The following NFATC2 variants were observed in gnomAD, a reference collection of about 807,000 sequenced individuals.
The protein encoded by NFATC2 is nuclear factor of activated T cells 2.
A neutral mutation model predicts 87.3 loss-of-function variants in NFATC2; 22 were observed. That is an observed-to-expected ratio of 0.25 (90% CI 0.18 to 0.36). NFATC2 has a LOEUF of 0.36. Among genes scored for constraint, NFATC2 ranks in the 10% least tolerant of loss-of-function variants. NFATC2 has a pLI of 1.00. For synonymous variants in NFATC2, 565 were observed against 542.2 expected (o/e 1.04, Z -0.58); for missense variants, 1,149 against 1,259.1 (o/e 0.91, Z 1.32).
intron 3 of NFATC2, among the ~76,000 whole-genome samples, chr20:51,495,341 G>A (rs1251254781): frequency 1.3e-5 from 2 of 152,196 alleles, no homozygotes; most frequent in Admixed American, 1.3e-4. Flanking sequence ...ACCCACCTCA[G>A]CCTCCCAAAG....
chr20:51,474,791 C>T (rs1988558974), intron 4 of NFATC2, among the ~76,000 whole-genome samples: 1 of 151,980 alleles, frequency 6.6e-6, no homozygotes, highest in South Asian at 2.1e-4. Context: ...AGATTTTAGC[C>T]ACAGCCATAT....
Position 51,411,516 on chromosome 20 carries a change from CTTTTTTTTTTTTTTTT to C in NFATC2, c.2723-12802_2723-12787del, listed in dbSNP as rs67935951. Among the ~76,000 whole-genome samples the C allele has an allele frequency of 1.5e-4, 13 of 87,252 alleles. 1 individual carries two copies. Among genetic ancestry groups the C allele is most frequent in the South Asian group, 8.9e-4 (2 of 2,242 alleles). The allele number at this position is 87,252 out of a possible 152,430, so 57.2% of individuals were successfully genotyped here. ...CAAGGTCCTGAAGCAATGCAATTGT[CTTTTTTTTTTTTTTTT>C]TTTTTTTTTTTTTGAGACAGAGTCT... is the stretch of plus-strand genomic sequence containing the variant. On this transcript the variant is annotated intron_variant, in intron 9 of 10. Transcript: ENST00000371564.
intron 5 of NFATC2, among the ~76,000 whole-genome samples, chr20:51,461,673 G>A (rs758791070): frequency 5.3e-5 from 8 of 152,230 alleles, no homozygotes; most frequent in Non-Finnish European, 8.8e-5. Context: ...CCCCCACATC[G>A]CCCAAGTAGG....
chr20:51,504,233 G>C (rs1225022767), intron 3 of NFATC2, among the ~76,000 whole-genome samples: 1 of 152,114 alleles, frequency 6.6e-6, no homozygotes, highest in Non-Finnish European at 1.5e-5. Context: ...TGTTGGTCAG[G>C]CTGGTCTCGA....
chr20:51,494,522 AG>A (rs1005733761), intron 3 of NFATC2, among the ~76,000 whole-genome samples: 3 of 152,130 alleles, frequency 2.0e-5, no homozygotes, highest in Non-Finnish European at 4.4e-5. Context: ...TACTACGTGC[AG>A]GTCTTTGTGC....
chr20:51,551,506 T>A (rs1024292845), intron 1 of NFATC2, among the ~76,000 whole-genome samples: 4 of 151,714 alleles, frequency 2.6e-5, no homozygotes, highest in African/African-American at 9.7e-5. Flanking sequence ...CCAGCTCAGA[T>A]GATCCGCTCA....
chr20:51,392,326 C>A (rs1986455213), intron 10 of NFATC2, among the ~76,000 whole-genome samples: 2 of 152,156 alleles, frequency 1.3e-5, no homozygotes, highest in Non-Finnish European at 2.9e-5. Flanking sequence ...CACCCCTCTC[C>A]CCAGAAGTAT....
At position 51,536,025 on chromosome 20, in the gene NFATC2, G is replaced by A. The variant is rs187496707; in HGVS notation, c.130+6345C>T. Among the ~76,000 whole-genome samples, 165 of 152,272 alleles carry A rather than the reference G, an allele frequency of 1.1e-3. 1 individual carries two copies. Among genetic ancestry groups the A allele is most frequent in the Middle Eastern group, 6.8e-3 (2 of 294 alleles). On this transcript the variant is annotated intron_variant, in intron 1 of 10. Coordinates refer to ENST00000371564, the MANE Select transcript of NFATC2 (RefSeq NM_012340.5). ...AAAGCATTAAAGATTCAAGTGCAGG[G>A]CTTTAGATCCAAATGCCCAGGAGGC...
intron 9 of NFATC2, among the ~76,000 whole-genome samples, chr20:51,410,054 C>T: frequency 6.6e-6 from 1 of 151,892 alleles, no homozygotes; most frequent in Non-Finnish European, 1.5e-5. Flanking sequence ...ACTAAAAATA[C>T]AAAAAATTAG....
rs11474273 is a variant in NFATC2 at position 51,441,717 on chromosome 20, CAAA to C, written c.1850-5959_1850-5957del. Among the ~76,000 whole-genome samples, 6 of 120,156 alleles carry C rather than the reference CAAA, an allele frequency of 5.0e-5. No individual in the cohort carries two copies. In the East Asian group the frequency reaches 1.2e-3, roughly 24 times the overall value. The allele number at this position is 120,156 out of a possible 152,430, so 78.8% of individuals were successfully genotyped here. A position where few individuals can be genotyped will look rare whatever the true frequency, so the allele number is the denominator to read the frequency against. ...GGACAACAAGAGCAAAACTCCATCT[CAAA>C]AAAAAAAAAAAAAAGATAAAGTTAA... On this transcript the variant is annotated intron_variant, in intron 6 of 10. Transcript: ENST00000371564.
intron 6 of NFATC2, among the ~76,000 whole-genome samples, chr20:51,454,262 TTTCC>T (rs1347330895): frequency 1.3e-5 from 2 of 152,172 alleles, no homozygotes; most frequent in African/African-American, 2.4e-5. Context: ...GTTTTAAAAA[TTTCC>T]TTCCTTATGT....
chr20:51,429,685 G>A (rs541718719), intron 9 of NFATC2, among the ~76,000 whole-genome samples: 37 of 152,308 alleles, frequency 2.4e-4, no homozygotes, highest in African/African-American at 8.7e-4. Flanking sequence ...TATAATGTCC[G>A]CTAGCAGGAT....
intron 1 of NFATC2, among the ~76,000 whole-genome samples, chr20:51,561,486 AGC>A (rs1346836341): frequency 4.1e-5 from 3 of 72,900 alleles, no homozygotes; most frequent in South Asian, 4.6e-4. Flanking sequence ...AAAGAAAGAA[AGC>A]AAGCAAGCAA....
At chr20:51,485,843 T>C (rs1395357043) in intron 3 of NFATC2, among the ~76,000 whole-genome samples, 1 of 152,166 alleles carries the variant, frequency 6.6e-6, no homozygotes, top group Non-Finnish European at 1.5e-5. Flanking sequence ...TATTTTTTCA[T>C]CTATGGCTGG....
At chr20:51,514,909 C>G (rs2076327819) in intron 3 of NFATC2, among the ~76,000 whole-genome samples, 1 of 152,122 alleles carries the variant, frequency 6.6e-6, no homozygotes, top group South Asian at 2.1e-4. Flanking sequence ...GGCAATTGCT[C>G]TCAGGATTGG....
chr20:51,505,679 G>T (rs2076166825), intron 3 of NFATC2, among the ~76,000 whole-genome samples: 1 of 152,156 alleles, frequency 6.6e-6, no homozygotes, highest in Non-Finnish European at 1.5e-5. Flanking sequence ...CCACATCCCA[G>T]ATGCTTGGCC....
chr20:51,391,341 T>C lies in NFATC2; in HGVS notation c.*155A>G. 6.4e-7 allele frequency: 1 copy of C among 1,557,662 alleles called. No individual in the cohort carries two copies. Among genetic ancestry groups the C allele is most frequent in the Non-Finnish European group, 8.9e-7 (1 of 1,129,104 alleles). Reference sequence around the variant, plus strand: ...TGAAAGGAGACAGAAGGTGAGGGGCTGTGGAGGGCTCCGAGGGGTCAGATA... The same window carrying C: ...TGAAAGGAGACAGAAGGTGAGGGGCCGTGGAGGGCTCCGAGGGGTCAGATA... On this transcript the variant is annotated 3_prime_UTR_variant, in exon 11 of 11. Transcript: ENST00000371564.
chr20:51,480,625 C>T lies in NFATC2; in HGVS notation c.1333-4965G>A, dbSNP rs1039772957. On this transcript the variant is annotated intron_variant, in intron 3 of 10. Transcript: ENST00000371564. The surrounding 1 kb of genome is among the most constrained non-coding windows in gnomAD (Gnocchi z 4.2). The stretch of plus-strand genomic sequence containing the variant: ...ACAAAGTTTTTCACTTTGGGTCAGA[C>T]ATATCTGAATTTCGATGCCAGCTCT... 6.6e-5 allele frequency among the ~76,000 whole-genome samples: 10 copies of T among 152,178 alleles called. No homozygotes were observed. The highest frequency in any genetic ancestry group is 9.7e-5 in the African/African-American group (4 of 41,450).
intron 6 of NFATC2, among the ~76,000 whole-genome samples, chr20:51,437,047 C>T (rs374692243): frequency 1.8e-4 from 27 of 149,990 alleles, no homozygotes; most frequent in African/African-American, 6.4e-4. Flanking sequence ...AGAGGTTTTG[C>T]TCAGTAAACT....
Sources: allele counts gnomAD v4.1 joint callset (sites outside exome capture counted in the v4.1 genomes callset), GRCh38; gene constraint gnomAD v4.1.1; non-coding constraint Gnocchi (gnomAD v3.1); transcripts MANE v1.5; gene names NCBI Gene and HGNC (gene_info 2026-07-23, HGNC 2026-07-21).